The following DIAPH3 variants were observed in gnomAD, a reference collection of about 807,000 sequenced individuals.
DIAPH3 encodes the protein diaphanous related formin 3.
DIAPH3 carries 117 observed loss-of-function variants against 144.3 expected under a neutral mutation model. The ratio of observed to expected loss-of-function variants is 0.81; its 90% confidence interval spans 0.70 to 0.95. The LOEUF is 0.95. DIAPH3 is among the 40% of genes least tolerant of loss of function. The pLI is 0.00. For missense variants in DIAPH3, 1,421 were observed against 1,412.7 expected (o/e 1.01, Z -0.09); for synonymous variants, 519 against 488.9 (o/e 1.06, Z -0.81).
chr13:59,767,045 C>G (rs1045763881), intron 27 of DIAPH3, among the ~76,000 whole-genome samples: 10 of 152,148 alleles, frequency 6.6e-5, no homozygotes, highest in Non-Finnish European at 1.2e-4. Context: ...CCTCTGGCTT[C>G]TCTTTCTCTT....
chr13:59,730,508 C>T (rs978690517), intron 27 of DIAPH3, among the ~76,000 whole-genome samples: 3 of 152,070 alleles, frequency 2.0e-5, no homozygotes, highest in Admixed American at 6.6e-5. Flanking sequence ...GAATGCATCA[C>T]AGAAAAGTAA....
At chr13:59,808,696 T>C (rs1333670237) in intron 25 of DIAPH3, among the ~76,000 whole-genome samples, 1 of 152,070 alleles carries the variant, frequency 6.6e-6, no homozygotes, top group Non-Finnish European at 1.5e-5. Context: ...GCACAACCAG[T>C]GGAATCAATC....
intron 27 of DIAPH3, among the ~76,000 whole-genome samples, chr13:59,712,806 A>G (rs777728858): frequency 6.6e-6 from 1 of 152,178 alleles, no homozygotes; most frequent in Non-Finnish European, 1.5e-5. Context: ...TTTGTTTAAT[A>G]CTATGCACCA....
intron 18 of DIAPH3, among the ~76,000 whole-genome samples, chr13:59,923,332 G>A (rs1305073064): frequency 6.6e-6 from 1 of 151,980 alleles, no homozygotes; most frequent in Non-Finnish European, 1.5e-5. Flanking sequence ...TCACAGATAC[G>A]GAACTTTCTG....
chr13:60,069,515 A>G (rs1422735911), intron 4 of DIAPH3, among the ~76,000 whole-genome samples: 5 of 151,936 alleles, frequency 3.3e-5, no homozygotes, highest in African/African-American at 1.2e-4. Context: ...GTTTTGTTGC[A>G]ATTGCTTTTG....
At chr13:59,771,138 TTTCTA>T (rs2038096735) in intron 27 of DIAPH3, among the ~76,000 whole-genome samples, 1 of 152,058 alleles carries the variant, frequency 6.6e-6, no homozygotes, top group Non-Finnish European at 1.5e-5. Flanking sequence ...CCAGAATTTT[TTTCTA>T]TTCTGAGAGA....
chr13:60,078,861 C>T (rs182989421), intron 4 of DIAPH3, among the ~76,000 whole-genome samples: 1 of 151,966 alleles, frequency 6.6e-6, no homozygotes, highest in Non-Finnish European at 1.5e-5. Flanking sequence ...TTGGATACTA[C>T]TAGACCTAAA....
At chr13:59,770,678 T>C (rs1336422195) in intron 27 of DIAPH3, among the ~76,000 whole-genome samples, 4 of 152,146 alleles carry the variant, frequency 2.6e-5, no homozygotes, top group African/African-American at 7.2e-5. Flanking sequence ...TTCAGATCCT[T>C]TCTGGAAGCC....
intron 27 of DIAPH3, among the ~76,000 whole-genome samples, chr13:59,751,688 T>C (rs1048170078): frequency 6.6e-6 from 1 of 152,240 alleles, no homozygotes; most frequent in Admixed American, 6.5e-5. Flanking sequence ...GCTACAATCT[T>C]GCAGGTCTTC....
At chr13:60,010,219 A>G (rs537745331) in intron 8 of DIAPH3, among the ~76,000 whole-genome samples, 1 of 152,302 alleles carries the variant, frequency 6.6e-6, no homozygotes, top group South Asian at 2.1e-4. Flanking sequence ...TAAGAAATAG[A>G]ACCATTTGTA....
At chr13:59,792,482 C>A (rs557167904) in intron 25 of DIAPH3, among the ~76,000 whole-genome samples, 1 of 152,170 alleles carries the variant, frequency 6.6e-6, no homozygotes, top group Non-Finnish European at 1.5e-5. Flanking sequence ...AATCCAACAC[C>A]AGGTCCTAAG....
intron 9 of DIAPH3, among the ~76,000 whole-genome samples, chr13:60,002,258 C>T (rs1458667759): frequency 1.3e-5 from 2 of 152,146 alleles, no homozygotes; most frequent in East Asian, 1.9e-4. Context: ...CATTCTGCTG[C>T]CCACAGTCTC....
At chr13:59,755,609 T>C (rs2139148200) in intron 27 of DIAPH3, among the ~76,000 whole-genome samples, 1 of 152,276 alleles carries the variant, frequency 6.6e-6, no homozygotes, top group African/African-American at 2.4e-5. Context: ...AACAATCTGT[T>C]ACTTGTTGGC....
chr13:60,156,087 C>A (rs1952012144), intron 1 of DIAPH3, among the ~76,000 whole-genome samples: 1 of 152,168 alleles, frequency 6.6e-6, no homozygotes, highest in South Asian at 2.1e-4. Context: ...TTTCACTGTG[C>A]CAAAATGAAG....
In DIAPH3 at chr13:59,992,454, G is replaced by C. The variant is rs768720494; in HGVS notation, c.1125+19C>G. On this transcript the variant is annotated intron_variant, in intron 10 of 27. Coordinates refer to ENST00000400324, the MANE Select transcript of DIAPH3 (RefSeq NM_001042517.2). Reference sequence around the variant, plus strand: ...CTCTTTTAATTTAAATATTAATAAGGAGACTGCAGGGCACTTACTGGCAAT... The same window carrying C: ...CTCTTTTAATTTAAATATTAATAAGCAGACTGCAGGGCACTTACTGGCAAT... 7.6e-6 allele frequency: 12 copies of C among 1,569,874 alleles called. No individual in the cohort carries two copies.
chr13:59,752,367 A>ATT (rs57731997), intron 27 of DIAPH3, among the ~76,000 whole-genome samples: 42 of 139,480 alleles, frequency 3.0e-4, no homozygotes, highest in African/African-American at 5.0e-4. Flanking sequence ...AATGTAGTCA[A>ATT]TTTTTTTTTT....
intron 17 of DIAPH3, among the ~76,000 whole-genome samples, chr13:59,952,351 ATAG>A (rs1366611638): frequency 1.1e-4 from 16 of 152,178 alleles, no homozygotes; most frequent in Non-Finnish European, 5.9e-5. Flanking sequence ...ACAATTATTC[ATAG>A]TTAATTTTAT....
intron 17 of DIAPH3, among the ~76,000 whole-genome samples, chr13:59,926,727 G>A (rs187505840): frequency 4.3e-4 from 66 of 152,250 alleles, no homozygotes; most frequent in African/African-American, 1.5e-3. Context: ...ACAAGTTGTT[G>A]AGACTTGTTT....
chr13:59,885,311 C>T (rs569392730), intron 20 of DIAPH3, among the ~76,000 whole-genome samples: 115 of 152,046 alleles, frequency 7.6e-4, no homozygotes, highest in Admixed American at 1.4e-3. Flanking sequence ...CATTCATGCC[C>T]GCTTCCAGAC....
Sources: allele counts gnomAD v4.1 joint callset (sites outside exome capture counted in the v4.1 genomes callset), GRCh38; gene constraint gnomAD v4.1.1; transcripts MANE v1.5; gene names NCBI Gene and HGNC (gene_info 2026-07-23, HGNC 2026-07-21).